SHISAL1: variants seen among roughly 807,000 people sequenced by gnomAD.
SHISAL1 encodes protein shisa-like-1.
Under a neutral mutation model 22.6 loss-of-function variants are expected in SHISAL1, and 9 were observed. That is an observed-to-expected ratio of 0.40 (90% CI 0.24 to 0.70). The LOEUF (loss-of-function observed/expected upper bound fraction) is 0.70. Among genes scored for constraint, SHISAL1 ranks in the 30% least tolerant of loss-of-function variants. SHISAL1 has a pLI of 0.39. For missense variants in SHISAL1, 246 were observed against 270.6 expected (o/e 0.91, Z 0.64); for synonymous variants, 119 against 115.4 (o/e 1.03, Z -0.20).
Position 44,285,414 on chromosome 22 carries a change from T to C in SHISAL1, c.599+14A>G, listed in dbSNP as rs752129382. On this transcript the variant is annotated intron_variant, in intron 4 of 4. Coordinates refer to ENST00000381176, the MANE Select transcript of SHISAL1 (RefSeq NM_001099294.2). ...TGACCCAAATCATTCTGGGTCTCAA[T>C]TGTAGCCACTCACCAGGCAGACGAA... The C allele has an allele frequency of 8.7e-6, 14 of 1,613,510 alleles. No individual in the cohort carries two copies. The highest frequency in any genetic ancestry group is 5.5e-5 in the South Asian group (5 of 91,038).
intron 1 of SHISAL1, among the ~76,000 whole-genome samples, chr22:44,308,350 C>T (rs2055493859): frequency 6.6e-6 from 1 of 152,248 alleles, no homozygotes; most frequent in Non-Finnish European, 1.5e-5. Context: ...CTACCTGCCC[C>T]CTTGGGTTCA....
rs186302185 is a variant in SHISAL1, at chr22:44,260,718, G to A, written c.*-11033C>T. 3.3e-3 allele frequency among the ~76,000 whole-genome samples: 503 copies of A among 152,306 alleles called. 2 individuals carry two copies. Among genetic ancestry groups the A allele is most frequent in the Non-Finnish European group, 5.7e-3 (391 of 68,020 alleles). On this transcript the variant is annotated intron_variant, in intron 4 of 4. Coordinates refer to ENST00000381176, the MANE Select transcript of SHISAL1 (RefSeq NM_001099294.2). ...TCTTGGCCCGTGGTGGCCCTTCAGG[G>A]ATAAGGGTGGCAGCAGCCATGCCCC...
intron 3 of SHISAL1, among the ~76,000 whole-genome samples, chr22:44,290,528 T>TAAAAAAAAAA (rs1358375865): frequency 1.2e-5 from 1 of 86,526 alleles, no homozygotes; most frequent in Non-Finnish European, 2.3e-5. Flanking sequence ...AAACTCAGTC[T>TAAAAAAAAAA]CAAAAAAAAA....
At chr22:44,293,451 T>A (rs2147296646) in intron 3 of SHISAL1, among the ~76,000 whole-genome samples, 1 of 152,246 alleles carries the variant, frequency 6.6e-6, no homozygotes, top group Middle Eastern at 3.4e-3. Flanking sequence ...GTGGAGGCCA[T>A]CGGGATGCGA....
chr22:44,303,484 G>C (rs976755172), intron 1 of SHISAL1, among the ~76,000 whole-genome samples: 3 of 152,134 alleles, frequency 2.0e-5, no homozygotes, highest in Admixed American at 1.3e-4. Context: ...TGGAGGCAGA[G>C]GTTGGGGTGA....
At chr22:44,293,229 G>T (rs1260806747) in intron 3 of SHISAL1, among the ~76,000 whole-genome samples, 1 of 152,204 alleles carries the variant, frequency 6.6e-6, no homozygotes, top group Non-Finnish European at 1.5e-5. Flanking sequence ...AAGCCTGGGG[G>T]AGGAGAAGGA....
At chr22:44,280,972 T>G (rs135401) in intron 4 of SHISAL1, among the ~76,000 whole-genome samples, 83,938 of 151,990 alleles carry the variant, frequency 0.55, 23,766 homozygotes, top group Non-Finnish European at 0.62. Context: ...GGCCACAGCC[T>G]CAGTGATGAT....
At chr22:44,316,578 T>C (rs2055559804), upstream of SHISAL1, among the ~76,000 whole-genome samples, 1 of 152,200 alleles carries the variant, frequency 6.6e-6, no homozygotes, top group Admixed American at 6.5e-5. Flanking sequence ...AGTGATGGTG[T>C]GTTCCAATAA....
chr22:44,294,866 A>G (rs2055375126), intron 3 of SHISAL1, among the ~76,000 whole-genome samples: 1 of 152,226 alleles, frequency 6.6e-6, no homozygotes, highest in Non-Finnish European at 1.5e-5. Context: ...CATAAAAAGA[A>G]ATAACTCGAA....
At chr22:44,294,156 G>A (rs1447601718) in intron 3 of SHISAL1, among the ~76,000 whole-genome samples, 1 of 152,218 alleles carries the variant, frequency 6.6e-6, no homozygotes, top group Non-Finnish European at 1.5e-5. Context: ...CTTATACAAG[G>A]CTTGGGTCAA....
chr22:44,297,651 A>G (rs2055396742), intron 2 of SHISAL1, among the ~76,000 whole-genome samples: 1 of 152,230 alleles, frequency 6.6e-6, no homozygotes, highest in African/African-American at 2.4e-5. Context: ...TCAGCCACCA[A>G]TGCTACTGCA....
rs772942802 is a variant in SHISAL1, at chr22:44,285,480, G to C, written c.547C>G (p.Arg183Gly). The change falls in exon 4 of 5, where the codon CGG becomes GGG. Residue 183 changes from arginine to glycine, a missense_variant. Coordinates refer to ENST00000381176, the MANE Select transcript of SHISAL1 (RefSeq NM_001099294.2). ...AGCGGTGGGCTGTGAGCATCTCCCC[G>C]CAATGTGTGCACGGCCTGTGGGGCT... ...PQAPQAVHTL[R>G]GDAHSPPLMT... 1 of 1,614,020 alleles carries C rather than the reference G, an allele frequency of 6.2e-7. No individual in the cohort carries two copies. Among genetic ancestry groups the C allele is most frequent in the South Asian group, 1.1e-5 (1 of 91,082 alleles).
intron 4 of SHISAL1, among the ~76,000 whole-genome samples, chr22:44,282,356 T>A (rs2055282420): frequency 6.6e-6 from 1 of 152,206 alleles, no homozygotes; most frequent in Non-Finnish European, 1.5e-5. Context: ...GCCCCTTGCC[T>A]CCACCTCCCC....
chr22:44,301,276 C>A (rs568341123), intron 1 of SHISAL1, among the ~76,000 whole-genome samples: 1 of 152,198 alleles, frequency 6.6e-6, no homozygotes, highest in Non-Finnish European at 1.5e-5. Context: ...GGTGGCCAGG[C>A]ACCAGAGCTG....
the SHISAL1 span, among the ~76,000 whole-genome samples, chr22:44,328,077 C>T: frequency 1.3e-5 from 2 of 152,088 alleles, no homozygotes; most frequent in African/African-American, 4.8e-5. Flanking sequence ...GGCAAAGCAT[C>T]CCTAAGAAGG....
chr22:44,320,622 T>A, the SHISAL1 span, among the ~76,000 whole-genome samples: 2 of 152,244 alleles, frequency 1.3e-5, no homozygotes, highest in Admixed American at 6.5e-5. Flanking sequence ...TCTCCTGATC[T>A]TTTCCTAGTT....
upstream of SHISAL1, among the ~76,000 whole-genome samples, chr22:44,313,188 G>A (rs2055532762): frequency 2.6e-5 from 4 of 152,258 alleles, no homozygotes; most frequent in African/African-American, 7.2e-5. Flanking sequence ...ACAGCTAGAA[G>A]CAGCAGGGGC....
chr22:44,285,354 A>C, intron 4 of SHISAL1, 74 bp downstream of exon 4: 1 of 1,462,090 alleles, frequency 6.8e-7, no homozygotes, highest in Non-Finnish European at 9.5e-7. Flanking sequence ...CTATGGCGAG[A>C]GTGATGGCGT....
At chr22:44,283,289 C>G (rs2055289356) in intron 4 of SHISAL1, among the ~76,000 whole-genome samples, 1 of 152,228 alleles carries the variant, frequency 6.6e-6, no homozygotes, top group Non-Finnish European at 1.5e-5. Context: ...AGACGAAGAG[C>G]CTCTGAGCTC....
Sources: gnomAD v4.1 joint callset for allele counts (sites outside exome capture counted in the v4.1 genomes callset) on GRCh38, gnomAD v4.1.1 for gene constraint, MANE v1.5 for transcripts, NCBI Gene and HGNC (gene_info 2026-07-23, HGNC 2026-07-21) for gene names.